The following TASP1 variants were observed in gnomAD, a reference collection of about 807,000 sequenced individuals.
TASP1 encodes the protein threonine aspartase 1.
Under a neutral mutation model 56.6 loss-of-function variants are expected in TASP1, and 16 were observed. The ratio of observed to expected loss-of-function variants is 0.28; its 90% CI spans 0.19 to 0.43. The LOEUF (loss-of-function observed/expected upper bound fraction) is 0.43. Among genes scored for constraint, TASP1 ranks in the 20% least tolerant of loss-of-function variants. The pLI, the probability that TASP1 is intolerant of heterozygous loss-of-function variation, is 1.00. For synonymous variants in TASP1, 179 were observed against 184.2 expected, an observed-to-expected ratio of 0.97 and a Z score of 0.23; for missense variants, 393 against 511.6, an observed-to-expected ratio of 0.77 and a Z score of 2.24.
At chr20:13,552,129 A>G (rs1465716851) in intron 8 of TASP1, among the ~76,000 whole-genome samples, 1 of 152,240 alleles carries the variant, frequency 6.6e-6, no homozygotes, top group Non-Finnish European at 1.5e-5. Context: ...AAATCACACC[A>G]GTCCCTCGAC....
At chr20:13,583,043 C>A (rs1193122097) in intron 5 of TASP1, among the ~76,000 whole-genome samples, 2 of 152,210 alleles carry the variant, frequency 1.3e-5, no homozygotes, top group Non-Finnish European at 2.9e-5. Context: ...TCTCCAGCTC[C>A]TGATTTGTGC....
chr20:13,527,545 A>G (rs753769731), intron 10 of TASP1, among the ~76,000 whole-genome samples: 22 of 152,128 alleles, frequency 1.4e-4, no homozygotes, highest in Non-Finnish European at 3.1e-4. Context: ...AAAGTATGGA[A>G]ATAGACAACA....
At chr20:13,280,887 G>A in the TASP1 span, among the ~76,000 whole-genome samples, 1 of 152,228 alleles carries the variant, frequency 6.6e-6, no homozygotes, top group Non-Finnish European at 1.5e-5. Context: ...GATATTTAAT[G>A]TCTTACAAAT....
At chr20:13,621,811 T>C (rs1215680653) in intron 4 of TASP1, among the ~76,000 whole-genome samples, 2 of 152,232 alleles carry the variant, frequency 1.3e-5, no homozygotes, top group Non-Finnish European at 2.9e-5. Flanking sequence ...TTAATTTTAT[T>C]CAGTTTTGCA....
At chr20:13,224,811 C>G in the TASP1 span, among the ~76,000 whole-genome samples, 2 of 144,242 alleles carry the variant, frequency 1.4e-5, no homozygotes, top group African/African-American at 2.6e-5. Flanking sequence ...AGGCACTGTT[C>G]TTAGCACTTT....
chr20:13,126,795 A>G, the TASP1 span: 2 of 1,556,656 alleles, frequency 1.3e-6, no homozygotes, highest in South Asian at 2.4e-5. Flanking sequence ...CGCTTCTCAA[A>G]TACACACCTT....
chr20:13,633,118 A>G (rs2049159148), intron 1 of TASP1, among the ~76,000 whole-genome samples: 1 of 152,190 alleles, frequency 6.6e-6, no homozygotes, highest in African/African-American at 2.4e-5. Flanking sequence ...AAATGTCTTG[A>G]TGGAAGTGGT....
intron 13 of TASP1, among the ~76,000 whole-genome samples, chr20:13,397,105 A>G (rs1340182519): frequency 6.6e-6 from 1 of 152,224 alleles, no homozygotes; most frequent in Non-Finnish European, 1.5e-5. Context: ...CAAGCCCCAC[A>G]GTAACTATTA....
chr20:13,620,532 A>C (rs999407262), intron 4 of TASP1, among the ~76,000 whole-genome samples: 2 of 152,178 alleles, frequency 1.3e-5, no homozygotes, highest in Non-Finnish European at 2.9e-5. Flanking sequence ...TAATAATATA[A>C]CGGGCAAGTT....
chr20:13,119,081 T>C, the TASP1 span, among the ~76,000 whole-genome samples: 59,785 of 151,736 alleles, frequency 0.39, 11,726 homozygotes, highest in Admixed American at 0.41. Flanking sequence ...AATGTTCCCT[T>C]CCTAGACTGT....
intron 11 of TASP1, among the ~76,000 whole-genome samples, chr20:13,481,531 C>A (rs2043142139): frequency 6.6e-6 from 1 of 152,108 alleles, no homozygotes; most frequent in Admixed American, 6.6e-5. Flanking sequence ...AATTTACATT[C>A]CCACCAACAG....
the TASP1 span, among the ~76,000 whole-genome samples, chr20:13,107,400 T>G: frequency 6.6e-6 from 1 of 152,092 alleles, no homozygotes; most frequent in Non-Finnish European, 1.5e-5. Flanking sequence ...GAAAAACTAA[T>G]GAAAAATGGT....
At chr20:13,433,660 A>G (rs2042895306) in intron 12 of TASP1, among the ~76,000 whole-genome samples, 1 of 151,924 alleles carries the variant, frequency 6.6e-6, no homozygotes, top group Non-Finnish European at 1.5e-5. Context: ...TAGAAAAAGT[A>G]TTTTTTATAC....
At chr20:13,118,449 G>GAA in the TASP1 span, among the ~76,000 whole-genome samples, 27 of 128,166 alleles carry the variant, frequency 2.1e-4, 1 homozygote, top group African/African-American at 5.6e-4. Flanking sequence ...GAGGTTTGTG[G>GAA]AAAAAAAAAA....
chr20:13,430,371 T>C (rs1178876992), intron 12 of TASP1, among the ~76,000 whole-genome samples: 1 of 152,186 alleles, frequency 6.6e-6, no homozygotes, highest in Non-Finnish European at 1.5e-5. Flanking sequence ...TCCGATGAGA[T>C]TTCAGTCAAG....
At chr20:13,500,082 T>C (rs1393068171) in intron 10 of TASP1, among the ~76,000 whole-genome samples, 1 of 151,552 alleles carries the variant, frequency 6.6e-6, no homozygotes, top group Non-Finnish European at 1.5e-5. Context: ...CTCACTATTA[T>C]GTGACATATC....
the TASP1 span, among the ~76,000 whole-genome samples, chr20:13,207,062 T>C: frequency 6.6e-6 from 1 of 152,180 alleles, no homozygotes; most frequent in African/African-American, 2.4e-5. Context: ...ATTCAGCTCA[T>C]TTTTCTGGAA....
chr20:13,628,494 T>C (rs1202054647), intron 2 of TASP1, among the ~76,000 whole-genome samples: 2 of 152,202 alleles, frequency 1.3e-5, no homozygotes, highest in African/African-American at 2.4e-5. Context: ...TAAAAGCACC[T>C]GTGAGAAAAT....
chr20:13,290,118 C>T, the TASP1 span, among the ~76,000 whole-genome samples: 21,564 of 152,190 alleles, frequency 0.14, 1,874 homozygotes, highest in South Asian at 0.26. Flanking sequence ...GGCTCCATGT[C>T]AGCCATGCAG....
Sources: gnomAD v4.1 joint callset for allele counts (sites outside exome capture counted in the v4.1 genomes callset) on GRCh38, gnomAD v4.1.1 for gene constraint, MANE v1.5 for transcripts, NCBI Gene and HGNC (gene_info 2026-07-23, HGNC 2026-07-21) for gene names.